Variants in PHIP observed in about 807,000 individuals in gnomAD.
The protein encoded by PHIP is PH-interacting protein.
In PHIP, 54 loss-of-function variants were observed where a neutral mutation model predicts 236.8. The ratio of observed to expected loss-of-function variants is 0.23; its 90% CI spans 0.18 to 0.29. The LOEUF (loss-of-function observed/expected upper bound fraction) is 0.29, where lower values mean the gene tolerates loss of function less well. Among genes scored for constraint, PHIP ranks in the 10% least tolerant of loss-of-function variants. The probability of loss-of-function intolerance (pLI) is 1.00; values close to 1 mark genes in which losing one functional copy is unlikely to be tolerated. For synonymous variants in PHIP, 756 were observed against 718.9 expected, an observed-to-expected ratio of 1.05 and a Z score of -0.83; for missense variants, 1,370 against 2,190.8, an observed-to-expected ratio of 0.63 and a Z score of 7.48.
In PHIP at chr6:79,070,017, C is replaced by G. The variant is rs143146402; in HGVS notation, c.189+7431G>C. Reference sequence around the variant, plus strand: ...AAAAAGAAAATGCAATACTACGCTTCCAAATTTTATTCATCATAAACCAAT... The same window carrying G: ...AAAAAGAAAATGCAATACTACGCTTGCAAATTTTATTCATCATAAACCAAT... On this transcript the variant is annotated intron_variant, in intron 4 of 39. Transcript: ENST00000275034. Among the ~76,000 whole-genome samples, 209 of 152,082 alleles carry G rather than the reference C, an allele frequency of 1.4e-3. 1 individual carries two copies. The highest frequency in any genetic ancestry group is 4.7e-3 in the African/African-American group (197 of 41,512).
chr6:79,060,254 T>C (rs1309177404), intron 6 of PHIP, among the ~76,000 whole-genome samples: 2 of 152,214 alleles, frequency 1.3e-5, no homozygotes, highest in African/African-American at 2.4e-5. Flanking sequence ...AAAATTCCAA[T>C]GAGCTAATTG....
At chr6:79,010,230 C>G (rs995153298) in intron 15 of PHIP, among the ~76,000 whole-genome samples, 1 of 151,750 alleles carries the variant, frequency 6.6e-6, no homozygotes, top group African/African-American at 2.4e-5. Context: ...TAGATACATA[C>G]AGCTACAATT....
intron 6 of PHIP, among the ~76,000 whole-genome samples, chr6:79,057,237 A>G (rs1440477781): frequency 6.6e-6 from 1 of 152,138 alleles, no homozygotes; most frequent in Non-Finnish European, 1.5e-5. Context: ...TACAGTAAGG[A>G]GTCCAATAAA....
chr6:79,053,453 A>C (rs945081783), intron 6 of PHIP, among the ~76,000 whole-genome samples: 1 of 152,204 alleles, frequency 6.6e-6, no homozygotes, highest in African/African-American at 2.4e-5. Context: ...TCAAATCTTC[A>C]TGTGCCATAA....
intron 39 of PHIP, among the ~76,000 whole-genome samples, chr6:78,941,533 C>T (rs183384093): frequency 2.0e-5 from 3 of 152,064 alleles, no homozygotes; most frequent in Non-Finnish European, 2.9e-5. Context: ...AGATTCTTAA[C>T]GATCTCATGA....
At chr6:78,948,445 T>C (rs943700626) in intron 35 of PHIP, among the ~76,000 whole-genome samples, 1 of 152,140 alleles carries the variant, frequency 6.6e-6, no homozygotes, top group African/African-American at 2.4e-5. Flanking sequence ...TGGTATATAA[T>C]TCTAAAATTA....
chr6:79,024,977 T>C (rs1370980575), intron 9 of PHIP, among the ~76,000 whole-genome samples: 2 of 152,170 alleles, frequency 1.3e-5, no homozygotes, highest in Non-Finnish European at 2.9e-5. Flanking sequence ...AGCCAACTTG[T>C]TTTGATAAAC....
chr6:79,032,954 TG>T (rs1325915483), intron 7 of PHIP, among the ~76,000 whole-genome samples: 1 of 152,130 alleles, frequency 6.6e-6, no homozygotes, highest in African/African-American at 2.4e-5. Context: ...GCAGAATAAA[TG>T]TATTGTCAGC....
At chr6:78,972,232 G>A (rs1767634013) in intron 24 of PHIP, among the ~76,000 whole-genome samples, 1 of 152,182 alleles carries the variant, frequency 6.6e-6, no homozygotes, top group African/African-American at 2.4e-5. Context: ...TGACCCCTGA[G>A]CAGCCTAACT....
At position 78,982,975 on chromosome 6, in the gene PHIP, G is replaced by C. The variant is rs1360266757; in HGVS notation, c.2680C>G (p.Gln894Glu). 6.2e-7 allele frequency: 1 copy of C among 1,607,186 alleles called. No homozygotes were observed. Among genetic ancestry groups the C allele is most frequent in the Non-Finnish European group, 8.5e-7 (1 of 1,176,202 alleles). ...EEESEKQKQK[Q>E]IKKEKKKVNE... is the part of the protein sequence containing the mutation. ...ACTTTTTTCTTTTCCTTTTTAATCT[G>C]TTTTTGCTTCTGTTTTTCAGATTCT... is the stretch of plus-strand genomic sequence containing the variant. The change falls in exon 23 of 40, where the codon CAG becomes GAG. Residue 894 changes from glutamine to glutamate, a missense_variant. By Grantham distance (29) the Gln-to-Glu change is conservative. Around this residue, in one of 14 missense-constraint regions of PHIP, gnomAD observed 76 missense variants for 76.4 expected, o/e 0.99. Transcript: ENST00000275034.
At chr6:78,955,742 A>G in intron 32 of PHIP, 60 bp from the exon 33 acceptor site, 4 of 636,326 alleles carry the variant, frequency 6.3e-6, no homozygotes, top group South Asian at 2.2e-5. Context: ...TTTTCCTTAA[A>G]AATTTGTTCG....
At chr6:78,996,741 T>C (rs188415512) in intron 19 of PHIP, among the ~76,000 whole-genome samples, 8 of 152,274 alleles carry the variant, frequency 5.3e-5, no homozygotes, top group Non-Finnish European at 4.4e-5. Flanking sequence ...ATCTTCTGAG[T>C]TGAAGAACTA....
At chr6:79,010,998 G>C (rs1481330072) in intron 15 of PHIP, among the ~76,000 whole-genome samples, 1 of 151,818 alleles carries the variant, frequency 6.6e-6, no homozygotes, top group Non-Finnish European at 1.5e-5. Flanking sequence ...CTCAGCTTCA[G>C]TCCTGAGAGT....
rs1399931411 is a variant in PHIP at position 78,934,854 on chromosome 6, TTAC to T, written c.*5836_*5838del. Among the ~76,000 whole-genome samples the T allele has an allele frequency of 6.6e-5, 10 of 152,316 alleles. No individual in the cohort carries two copies. The highest frequency in any genetic ancestry group is 3.4e-3 in the Middle Eastern group (1 of 294). On this transcript the variant is annotated 3_prime_UTR_variant, in exon 40 of 40. Coordinates refer to ENST00000275034, the MANE Select transcript of PHIP (RefSeq NM_017934.7). ...CATTTCCCAACTCCAGGCCAGTTCA[TTAC>T]ACTGTGCTGCCAGTATGTCTAACCA... is the stretch of plus-strand genomic sequence containing the variant.
intron 7 of PHIP, among the ~76,000 whole-genome samples, chr6:79,028,119 A>G (rs187456027): frequency 1.7e-4 from 26 of 152,300 alleles, no homozygotes; most frequent in South Asian, 4.1e-4. Flanking sequence ...CAATGTGAGT[A>G]GTTCATAGAA....
At chr6:79,053,346 T>C (rs1467648000) in intron 6 of PHIP, among the ~76,000 whole-genome samples, 2 of 152,066 alleles carry the variant, frequency 1.3e-5, no homozygotes, top group Admixed American at 6.6e-5. Flanking sequence ...AATGTAGGGT[T>C]ATCTTAAAGA....
At chr6:78,997,962 AC>A (rs1207545472) in intron 18 of PHIP, among the ~76,000 whole-genome samples, 2 of 152,216 alleles carry the variant, frequency 1.3e-5, no homozygotes, top group Admixed American at 1.3e-4. Context: ...TTAATAATAT[AC>A]AACAATAAGG....
At chr6:78,968,827 T>C (rs1454860155) in intron 27 of PHIP, among the ~76,000 whole-genome samples, 1 of 152,202 alleles carries the variant, frequency 6.6e-6, no homozygotes, top group Non-Finnish European at 1.5e-5. Flanking sequence ...GTAAAAAACA[T>C]TCTTCAATGT....
intron 9 of PHIP, among the ~76,000 whole-genome samples, chr6:79,023,816 A>C (rs1771254003): frequency 6.6e-6 from 1 of 152,194 alleles, no homozygotes; most frequent in African/African-American, 2.4e-5. Flanking sequence ...AGAAGCACAA[A>C]TAAGGTGTGA....
Sources: gnomAD v4.1 joint callset for allele counts (sites outside exome capture counted in the v4.1 genomes callset) on GRCh38, gnomAD v4.1.1 for gene constraint, gnomAD v4.1.1 regional missense constraint, MANE v1.5 for transcripts, NCBI Gene and HGNC (gene_info 2026-07-23, HGNC 2026-07-21) for gene names.